Variants in CNTNAP2 observed in about 807,000 individuals in gnomAD.
The protein encoded by CNTNAP2 is contactin-associated protein-like 2.
Under a neutral mutation model 155.2 loss-of-function variants are expected in CNTNAP2, and 98 were observed. That is an observed-to-expected ratio of 0.63 (90% confidence interval 0.54 to 0.75). The LOEUF (loss-of-function observed/expected upper bound fraction) is 0.75, where lower values mean the gene tolerates loss of function less well. CNTNAP2 is among the 30% of genes least tolerant of loss of function. The probability of loss-of-function intolerance (pLI) is 0.00; values close to 1 mark genes in which losing one functional copy is unlikely to be tolerated. For synonymous variants in CNTNAP2, 651 were observed against 631.2 expected (o/e 1.03, Z -0.47); for missense variants, 1,727 against 1,688.1 (o/e 1.02, Z -0.40).
chr7:147,039,585 C>A (rs916984179), intron 3 of CNTNAP2, among the ~76,000 whole-genome samples: 3 of 152,168 alleles, frequency 2.0e-5, no homozygotes, highest in African/African-American at 7.2e-5. Flanking sequence ...TTCATCCAAT[C>A]TGGGTTGATT....
intron 1 of CNTNAP2, among the ~76,000 whole-genome samples, chr7:146,741,828 A>T (rs971958924): frequency 2.6e-5 from 4 of 152,194 alleles, no homozygotes; most frequent in African/African-American, 9.7e-5. Context: ...TACATTCTAT[A>T]ATGAGATTGC....
At chr7:147,334,407 C>A (rs960794513) in intron 9 of CNTNAP2, among the ~76,000 whole-genome samples, 1 of 152,118 alleles carries the variant, frequency 6.6e-6, no homozygotes, top group Non-Finnish European at 1.5e-5. Context: ...TCTTCCCTTG[C>A]CATTTATTTC....
intron 13 of CNTNAP2, among the ~76,000 whole-genome samples, chr7:147,851,207 C>G (rs371090528): frequency 2.0e-5 from 3 of 152,068 alleles, no homozygotes; most frequent in African/African-American, 4.8e-5. Context: ...AAATGCAAAT[C>G]AAAACCACAA....
chr7:148,244,466 T>C (rs1181576828), intron 20 of CNTNAP2, among the ~76,000 whole-genome samples: 1 of 152,176 alleles, frequency 6.6e-6, no homozygotes, highest in Non-Finnish European at 1.5e-5. Context: ...TATTTATTCA[T>C]TGGAAAATAT....
chr7:148,045,979 A>G (rs774113236), intron 15 of CNTNAP2, among the ~76,000 whole-genome samples: 1 of 152,262 alleles, frequency 6.6e-6, no homozygotes, highest in Non-Finnish European at 1.5e-5. Flanking sequence ...ACACATAAGT[A>G]ATTACATAAT....
At chr7:148,355,026 AGCATCCT>A (rs1798487732) in intron 21 of CNTNAP2, among the ~76,000 whole-genome samples, 1 of 152,206 alleles carries the variant, frequency 6.6e-6, no homozygotes, top group Admixed American at 6.5e-5. Context: ...ATGTGTGGAA[AGCATCCT>A]GCATCCAGGT....
chr7:146,954,744 C>G (rs567294610), intron 3 of CNTNAP2, among the ~76,000 whole-genome samples: 1 of 151,906 alleles, frequency 6.6e-6, no homozygotes, highest in South Asian at 2.1e-4. Context: ...ATGTTATACT[C>G]TCTTACACTT....
intron 13 of CNTNAP2, among the ~76,000 whole-genome samples, chr7:147,811,286 C>G (rs1171606715): frequency 6.6e-6 from 1 of 152,066 alleles, no homozygotes; most frequent in Non-Finnish European, 1.5e-5. Context: ...AGTGGAGACG[C>G]AGAGTTTCAC....
chr7:146,461,029 C>T (rs1427967573), intron 1 of CNTNAP2, among the ~76,000 whole-genome samples: 2 of 152,088 alleles, frequency 1.3e-5, no homozygotes, highest in Non-Finnish European at 2.9e-5. Context: ...CTTGGGTGGA[C>T]TTAATCATTT....
At chr7:147,670,943 G>T (rs1243430102) in intron 13 of CNTNAP2, among the ~76,000 whole-genome samples, 2 of 152,206 alleles carry the variant, frequency 1.3e-5, no homozygotes, top group Non-Finnish European at 2.9e-5. Context: ...AAAGAGCACT[G>T]TAACACTCCC....
intron 1 of CNTNAP2, among the ~76,000 whole-genome samples, chr7:146,654,634 A>G (rs915363789): frequency 6.6e-6 from 1 of 152,184 alleles, no homozygotes; most frequent in African/African-American, 2.4e-5. Flanking sequence ...AGTCCCATAT[A>G]GTGATTTGGT....
At chr7:146,896,673 C>T (rs888025864) in intron 3 of CNTNAP2, among the ~76,000 whole-genome samples, 10 of 151,444 alleles carry the variant, frequency 6.6e-5, no homozygotes, top group African/African-American at 9.7e-5. Flanking sequence ...ACTTTTGCAC[C>T]GACCTAATAG....
chr7:148,247,065 T>C (rs190203662), intron 20 of CNTNAP2, among the ~76,000 whole-genome samples: 9 of 152,270 alleles, frequency 5.9e-5, no homozygotes, highest in Admixed American at 5.9e-4. Flanking sequence ...AAAACAAAAA[T>C]GATTGACACA....
intron 8 of CNTNAP2, among the ~76,000 whole-genome samples, chr7:147,264,431 A>G (rs1305260195): frequency 1.3e-5 from 2 of 151,866 alleles, no homozygotes; most frequent in Non-Finnish European, 2.9e-5. Flanking sequence ...ACAAGGTAAG[A>G]GTCTAAGGGG....
chr7:146,416,801 C>T (rs148114443), intron 1 of CNTNAP2, among the ~76,000 whole-genome samples: 52 of 152,204 alleles, frequency 3.4e-4, no homozygotes, highest in Admixed American at 1.6e-3. Context: ...GATCACATTT[C>T]ATTTACCACT....
intron 1 of CNTNAP2, among the ~76,000 whole-genome samples, chr7:146,657,469 C>G (rs2129165163): frequency 6.6e-6 from 1 of 152,256 alleles, no homozygotes; most frequent in East Asian, 1.9e-4. Context: ...TTTCTAGTAG[C>G]TACTTCAAAA....
intron 1 of CNTNAP2, among the ~76,000 whole-genome samples, chr7:146,647,688 G>T (rs905280826): frequency 1.3e-5 from 2 of 152,096 alleles, no homozygotes; most frequent in Non-Finnish European, 2.9e-5. Flanking sequence ...TTGATAAACA[G>T]TGCAGCACAG....
At chr7:147,716,133 T>C (rs1563063139) in intron 13 of CNTNAP2, among the ~76,000 whole-genome samples, 1 of 152,142 alleles carries the variant, frequency 6.6e-6, no homozygotes, top group African/African-American at 2.4e-5. Flanking sequence ...TAACATAATA[T>C]AGCATGTATC....
chr7:147,124,412 G>T (rs1032343040), intron 6 of CNTNAP2, among the ~76,000 whole-genome samples: 2 of 152,126 alleles, frequency 1.3e-5, no homozygotes, highest in African/African-American at 4.8e-5. Flanking sequence ...CTCTCTCCAG[G>T]GAGGAATGGT....
Sources: gnomAD v4.1 joint callset for allele counts (sites outside exome capture counted in the v4.1 genomes callset) on GRCh38, gnomAD v4.1.1 for gene constraint, MANE v1.5 for transcripts, NCBI Gene and HGNC (gene_info 2026-07-23, HGNC 2026-07-21) for gene names.